The following ADGRE5 variants were observed in gnomAD, a reference collection of about 807,000 sequenced individuals.
ADGRE5 encodes adhesion G protein-coupled receptor E5.
Under a neutral mutation model 100.3 loss-of-function variants are expected in ADGRE5, and 72 were observed. The ratio of observed to expected loss-of-function variants is 0.72; its 90% confidence interval spans 0.59 to 0.87. The LOEUF (loss-of-function observed/expected upper bound fraction) is 0.87, where lower values mean the gene tolerates loss of function less well. Among genes scored for constraint, ADGRE5 ranks in the 40% least tolerant of loss-of-function variants. ADGRE5 has a pLI of 0.00. For synonymous variants in ADGRE5, 439 were observed against 447.8 expected (o/e 0.98, Z 0.25); for missense variants, 959 against 1,094.7 (o/e 0.88, Z 1.75).
chr19:14,402,124 C>T (rs1175759394), intron 11 of ADGRE5, among the ~76,000 whole-genome samples: 1 of 150,788 alleles, frequency 6.6e-6, no homozygotes, highest in Non-Finnish European at 1.5e-5. Flanking sequence ...TAGTGAGACC[C>T]TGTCTTAAAA....
In ADGRE5 at chr19:14,401,788, C is replaced by T. The variant is rs754176571; in HGVS notation, c.1183+28C>T. 4.1e-6 allele frequency: 6 copies of T among 1,454,730 alleles called. No individual in the cohort carries two copies. The South Asian group carries it at 8.1e-5, about 20-fold the overall frequency. 90.1% of individuals were successfully genotyped at this position (1,454,730 alleles called of 1,614,324 possible). On this transcript the variant is annotated intron_variant, in intron 11 of 19. Coordinates refer to ENST00000242786, the MANE Select transcript of ADGRE5 (RefSeq NM_078481.4). This position sits in a 1 kb window ranked among gnomAD's most constrained non-coding sequence, Gnocchi z 4.1. ...AGCAGCGGTGGTCTGGAGGGGGAGCCCGTGGGAGAGAGATGGAGGTGCTGG... is the reference window on the plus strand; with the variant it reads ...AGCAGCGGTGGTCTGGAGGGGGAGCTCGTGGGAGAGAGATGGAGGTGCTGG...
In ADGRE5 at chr19:14,398,146, G is replaced by T. The variant is rs756085504; in HGVS notation, c.897+7G>T. ...AGCCGAGGTCACCATCCAGGTAAGG[G>T]CAGGATGCTGGGGGACCCCAGGACA... On this transcript the variant is annotated splice_region_variant and intron_variant, in intron 9 of 19. Coordinates refer to ENST00000242786, the MANE Select transcript of ADGRE5 (RefSeq NM_078481.4). 2 of 1,613,738 alleles carry T rather than the reference G, an allele frequency of 1.2e-6. No individual in the cohort carries two copies. The highest frequency in any genetic ancestry group is 1.7e-6 in the Non-Finnish European group (2 of 1,179,828).
intron 4 of ADGRE5, among the ~76,000 whole-genome samples, chr19:14,393,852 C>T (rs1294036445): frequency 1.3e-5 from 2 of 152,116 alleles, no homozygotes; most frequent in African/African-American, 2.4e-5. Context: ...TGTGACTTGG[C>T]CAGAGGAGAC....
intron 3 of ADGRE5, among the ~76,000 whole-genome samples, chr19:14,390,260 A>G (rs1975553226): frequency 6.6e-6 from 1 of 150,620 alleles, no homozygotes; most frequent in African/African-American, 2.4e-5. Context: ...AGGAATCTGG[A>G]GTCTGTGCCT....
At chr19:14,397,329 G>A (rs1599623695) in intron 6 of ADGRE5, 106 bp downstream of exon 6, 3 of 1,550,462 alleles carry the variant, frequency 1.9e-6, no homozygotes, top group Non-Finnish European at 2.6e-6. Context: ...GCACCTGGCT[G>A]TGCCAGGCGT....
intron 1 of ADGRE5, 150 bp from the exon 2 acceptor site, chr19:14,388,300 G>C: frequency 7.1e-7 from 1 of 1,415,040 alleles, no homozygotes. Context: ...TTGAGCATCT[G>C]AGTGGGACAT....
intron 9 of ADGRE5, among the ~76,000 whole-genome samples, chr19:14,398,663 A>G (rs1364059633): frequency 7.4e-6 from 1 of 135,014 alleles, no homozygotes; most frequent in African/African-American, 2.8e-5. Flanking sequence ...CGACAGAGCC[A>G]GACTCTGTCT....
chr19:14,383,375 G>C (rs1975228526), intron 1 of ADGRE5, among the ~76,000 whole-genome samples: 2 of 151,072 alleles, frequency 1.3e-5, no homozygotes, highest in Admixed American at 1.3e-4. Context: ...TGTGGTGGCG[G>C]GCGCCTGTAA....
intron 9 of ADGRE5, among the ~76,000 whole-genome samples, chr19:14,399,851 A>T (rs1388891060): frequency 1.3e-5 from 2 of 151,886 alleles, no homozygotes; most frequent in Non-Finnish European, 2.9e-5. Context: ...TTAGTTAGTT[A>T]GTTTTAGAGA....
Position 14,397,110 on chromosome 19 carries a change from G to C in ADGRE5, c.512G>C (p.Cys171Ser), listed in dbSNP as rs764496254. Reference sequence around the variant, plus strand: ...GAATGCACCTCCGGACAAAACCCGTGCCACAGCTCCACCCACTGCCTCAAC... The same window carrying C: ...GAATGCACCTCCGGACAAAACCCGTCCCACAGCTCCACCCACTGCCTCAAC... ...VNECTSGQNP[C>S]HSSTHCLNNV... The change falls in exon 6 of 20, where the codon TGC (cysteine) becomes TCC (serine). Residue 171 changes from cysteine to serine, a missense_variant. Cys to Ser is a moderately radical substitution (Grantham distance 112). This residue lies in a region of ADGRE5 where 83 missense variants were observed against 88.8 expected (regional missense o/e 0.93). Coordinates refer to ENST00000242786, the MANE Select transcript of ADGRE5 (RefSeq NM_078481.4). The C allele has an allele frequency of 5.9e-5, 95 of 1,614,116 alleles. No individual in the cohort carries two copies. Among genetic ancestry groups the C allele is most frequent in the Non-Finnish European group, 8.1e-5 (95 of 1,180,024 alleles).
At chr19:14,386,418 C>T (rs1468003504) in intron 1 of ADGRE5, 6 of 138,344 alleles carry the variant, frequency 4.3e-5, no homozygotes, top group Non-Finnish European at 8.9e-5. Context: ...AGGCCGGGCG[C>T]GGTGGCTCAC....
intron 2 of ADGRE5, 99 bp from the exon 3 acceptor site, chr19:14,388,603 C>G: frequency 6.2e-7 from 1 of 1,605,428 alleles, no homozygotes; most frequent in South Asian, 1.1e-5. Context: ...AGAGGGCTCG[C>G]GCACGAGAAA....
In ADGRE5 at chr19:14,407,143, A is replaced by G. The variant is rs752204206; in HGVS notation, c.2290A>G (p.Ser764Gly). The stretch of plus-strand genomic sequence containing the variant: ...TGGCCTGTTCATCTTCGACGATCGG[A>G]GCTTGGTGCTGACCTATGTGTTTAC... ...VFGLFIFDDR[S>G]LVLTYVFTIL... Residue 764 changes from serine to glycine, a missense_variant, in exon 18 of 20, where the codon AGC becomes GGC. Physicochemically the swap from Ser to Gly is moderately conservative, Grantham distance 56. Coordinates refer to ENST00000242786, the MANE Select transcript of ADGRE5 (RefSeq NM_078481.4). The G allele has an allele frequency of 6.2e-7, 1 of 1,613,996 alleles. No homozygotes were observed. Among genetic ancestry groups the G allele is most frequent in the Non-Finnish European group, 8.5e-7 (1 of 1,179,986 alleles).
Position 14,406,533 on chromosome 19 carries a change from G to C in ADGRE5, c.2024G>C (p.Ser675Thr). Residue 675 changes from serine (S) to threonine (T), a missense_variant, in exon 15 of 20, where the codon AGC becomes ACC. Ser to Thr is a moderately conservative substitution (Grantham distance 58, BLOSUM62 1). Coordinates refer to ENST00000242786, the MANE Select transcript of ADGRE5 (RefSeq NM_078481.4). The surrounding 1 kb of genome is among the most constrained non-coding windows in gnomAD (Gnocchi z 6.0). ...GTGGGCGTCTCGGCTGCCATCTACA[G>C]CAAGGGCTACGGCCGCCCCAGATAG... The part of the protein sequence containing the change: ...LIVGVSAAIY[S>T]KGYGRPRYCW... 1 of 1,577,372 alleles carries C rather than the reference G, an allele frequency of 6.3e-7. No homozygotes were observed. Among genetic ancestry groups the C allele is most frequent in the Non-Finnish European group, 8.6e-7 (1 of 1,162,014 alleles).
intron 1 of ADGRE5, among the ~76,000 whole-genome samples, chr19:14,387,494 C>T (rs970914073): frequency 1.3e-5 from 2 of 151,960 alleles, no homozygotes; most frequent in African/African-American, 2.4e-5. Flanking sequence ...TTTGGGAGGC[C>T]GAGGTGGGTG....
chr19:14,394,221 G>A (rs777525479), intron 4 of ADGRE5, among the ~76,000 whole-genome samples: 4 of 152,198 alleles, frequency 2.6e-5, no homozygotes, highest in Non-Finnish European at 4.4e-5. Context: ...CATCAAAGCA[G>A]GTGATGGAGC....
In ADGRE5 at chr19:14,401,339, C is replaced by A; in HGVS notation, c.898-47C>A. 2 of 1,574,360 alleles carry A rather than the reference C, an allele frequency of 1.3e-6. No individual in the cohort carries two copies. Among genetic ancestry groups the A allele is most frequent in the Non-Finnish European group, 1.7e-6 (2 of 1,154,486 alleles). ...GTGACATCCAGGTCCTTCAGGCAAC[C>A]CCTGTGGTCTGATGCTCCAGCGATT... On this transcript the variant is annotated intron_variant, in intron 9 of 19. Coordinates refer to ENST00000242786, the MANE Select transcript of ADGRE5 (RefSeq NM_078481.4). The surrounding 1 kb of genome is among the most constrained non-coding windows in gnomAD (Gnocchi z 4.1).
At chr19:14,400,016 ATT>A (rs201971914) in intron 9 of ADGRE5, among the ~76,000 whole-genome samples, 227 of 140,038 alleles carry the variant, frequency 1.6e-3, no homozygotes, top group African/African-American at 5.3e-3. Context: ...TAATTTTTTC[ATT>A]TTTTTTTTTT....
chr19:14,406,237 C>T lies in ADGRE5; in HGVS notation c.1822-94C>T, dbSNP rs1976228430. On this transcript the variant is annotated intron_variant, in intron 14 of 19. Transcript: ENST00000242786. The surrounding 1 kb of genome is among the most constrained non-coding windows in gnomAD (Gnocchi z 6.0). ...CCCGCCCACCCTCCGGCTGTGGTCC[C>T]GCCCACTCTCGGGACCTGGCAGGCG... 2.9e-6 allele frequency: 3 copies of T among 1,026,230 alleles called. No homozygotes were observed. Among genetic ancestry groups the T allele is most frequent in the South Asian group, 1.6e-5 (1 of 62,184 alleles). The allele number at this position is 1,026,230 out of a possible 1,614,324, so 63.6% of individuals were successfully genotyped here. A position where few individuals can be genotyped will look rare whatever the true frequency, so the allele number is the denominator to read the frequency against.
Sources: allele counts gnomAD v4.1 joint callset (sites outside exome capture counted in the v4.1 genomes callset), GRCh38; gene constraint gnomAD v4.1.1; regional missense constraint gnomAD v4.1.1; non-coding constraint Gnocchi (gnomAD v3.1); transcripts MANE v1.5; gene names NCBI Gene and HGNC (gene_info 2026-07-23, HGNC 2026-07-21).